The following DSC2 variants were observed in gnomAD, a reference collection of about 807,000 sequenced individuals.
DSC2 encodes the protein desmocollin-2.
In DSC2, 51 loss-of-function variants were observed where a neutral mutation model predicts 87.6. The observed-to-expected ratio is 0.58, with a 90% CI of 0.46 to 0.74. The LOEUF (loss-of-function observed/expected upper bound fraction) is 0.74. Among genes scored for constraint, DSC2 ranks in the 30% least tolerant of loss-of-function variants. The pLI is 0.00. For missense variants in DSC2, 1,066 were observed against 1,089.5 expected (o/e 0.98, Z 0.30); for synonymous variants, 383 against 393.2 (o/e 0.97, Z 0.31).
chr18:31,082,362 T>C lies in DSC2; in HGVS notation c.1139A>G (p.Asp380Gly). ...GTTAGCAGTATTCACTAAGTCCTTA[T>C]CCTCAACAGTAACTCGTAAGATTTC... ...DVEILRVTVEDKDLVNTANWR... is the reference protein window; with the variant it reads ...DVEILRVTVEGKDLVNTANWR... Residue 380 changes from aspartate (D) to glycine (G), a missense_variant, in exon 9 of 16, where the codon GAT becomes GGT. Physicochemically the swap from Asp to Gly is moderately conservative, Grantham distance 94. Coordinates refer to ENST00000280904, the MANE Select transcript of DSC2 (RefSeq NM_024422.6). 1 of 1,613,936 alleles carries C rather than the reference T, an allele frequency of 6.2e-7. No homozygotes were observed. Among genetic ancestry groups the C allele is most frequent in the Non-Finnish European group, 8.5e-7 (1 of 1,179,984 alleles).
rs1374917407 is a variant in DSC2, at chr18:31,079,986, A to G, written c.1524T>C (p.Tyr508=). Residue 508 remains tyrosine, a synonymous_variant, in exon 11 of 16, where the codon TAT becomes TAC. Transcript: ENST00000280904. ...PETRSSSGIR[Y]KKLTDPTGWV... ...ACCCTGTTGGATCAGTTAATTTCTT[A>G]TACCTGTTGGTAATGATGAATTAAA... is the stretch of plus-strand genomic sequence containing the variant. 6.2e-7 allele frequency: 1 copy of G among 1,613,516 alleles called. No individual in the cohort carries two copies. The highest frequency in any genetic ancestry group is 8.5e-7 in the Non-Finnish European group (1 of 1,179,704).
intron 7 of DSC2, among the ~76,000 whole-genome samples, chr18:31,086,349 T>C (rs1188588650): frequency 6.6e-6 from 1 of 152,230 alleles, no homozygotes; most frequent in African/African-American, 2.4e-5. Flanking sequence ...AATATGTTTA[T>C]ATCAGGAAAT....
intron 11 of DSC2, among the ~76,000 whole-genome samples, chr18:31,079,262 T>C (rs983671162): frequency 6.6e-6 from 1 of 152,112 alleles, no homozygotes; most frequent in Non-Finnish European, 1.5e-5. Context: ...TTTGTTTTTG[T>C]TTTTGTTTTG....
rs775614779 is a variant in DSC2, at chr18:31,086,682, C to T, written c.836G>A (p.Arg279His). 21 of 1,613,972 alleles carry T rather than the reference C, an allele frequency of 1.3e-5. No individual in the cohort carries two copies. The highest frequency in any genetic ancestry group is 8.3e-5 in the Admixed American group (5 of 59,998). The part of the protein sequence containing the change: ...DKDEPDTMHT[R>H]LKYSIIGQVP... ...CTGCCCAATGATGGAGTACTTCAGG[C>T]GTGTGTGCATCGTGTCAGGCTCATC... Residue 279 changes from arginine (R) to histidine (H), a missense_variant, in exon 7 of 16, where the codon CGC (arginine) becomes CAC (histidine). Arg to His is a conservative substitution (Grantham distance 29, BLOSUM62 0). Coordinates refer to ENST00000280904, the MANE Select transcript of DSC2 (RefSeq NM_024422.6).
At chr18:31,089,342 A>C (rs1405955056) in intron 5 of DSC2, 97 bp downstream of exon 5, 2 of 1,440,572 alleles carry the variant, frequency 1.4e-6, no homozygotes, top group African/African-American at 1.4e-5. Flanking sequence ...ATTGGTGACA[A>C]ACTCAGAAAG....
chr18:31,067,915 A>G lies in DSC2; in HGVS notation c.*100T>C, dbSNP rs1267625501. ...ATTCCATCCAAATAATGAGAGAAAA[A>G]CCCCCACAAATAGCATCTTCTGCTT... On this transcript the variant is annotated 3_prime_UTR_variant, in exon 16 of 16. Coordinates refer to ENST00000280904, the MANE Select transcript of DSC2 (RefSeq NM_024422.6). 2 of 1,073,308 alleles carry G rather than the reference A, an allele frequency of 1.9e-6. No homozygotes were observed. The highest frequency in any genetic ancestry group is 3.2e-5 in the African/African-American group (2 of 63,236). 66.5% of individuals were successfully genotyped at this position (1,073,308 alleles called of 1,614,324 possible). A position where few individuals can be genotyped will look rare whatever the true frequency, so the allele number is the denominator to read the frequency against.
chr18:31,067,592 A>G lies in DSC2; in HGVS notation c.*423T>C, dbSNP rs1986666660. On this transcript the variant is annotated 3_prime_UTR_variant, in exon 16 of 16. Transcript: ENST00000280904. ...CACTTTAGATGTTCAGGAAAACAACAGTTTCCAAGCACCACATGAACACTT... is the reference window on the plus strand; with the variant it reads ...CACTTTAGATGTTCAGGAAAACAACGGTTTCCAAGCACCACATGAACACTT... The G allele has an allele frequency of 5.1e-6, 1 of 194,226 alleles. No individual in the cohort carries two copies. The highest frequency in any genetic ancestry group is 5.4e-5 in the Admixed American group (1 of 18,360). The allele number at this position is 194,226 out of a possible 1,614,324, so 12.0% of individuals were successfully genotyped here.
intron 12 of DSC2, among the ~76,000 whole-genome samples, chr18:31,074,376 T>C (rs759727440): frequency 6.6e-6 from 1 of 151,582 alleles, no homozygotes; most frequent in Non-Finnish European, 1.5e-5. Flanking sequence ...AGGAAATGAC[T>C]GCATTAGACC....
intron 1 of DSC2, among the ~76,000 whole-genome samples, chr18:31,098,626 T>C (rs908594343): frequency 6.6e-6 from 1 of 152,044 alleles, no homozygotes; most frequent in Non-Finnish European, 1.5e-5. Flanking sequence ...GGCTAATTTT[T>C]GTATTTTTTG....
At chr18:31,082,134 C>A in intron 9 of DSC2, 104 bp downstream of exon 9, 1 of 1,042,934 alleles carries the variant, frequency 9.6e-7, no homozygotes, top group South Asian at 1.5e-5. Context: ...TACTTATATA[C>A]CTATTTTATT....
rs1345080995 is a variant in DSC2, at chr18:31,059,272, C to T, written c.*8743G>A. 5 of 152,286 alleles carry T rather than the reference C, an allele frequency of 3.3e-5. No individual in the cohort carries two copies. Among genetic ancestry groups the T allele is most frequent in the Non-Finnish European group, 7.4e-5 (5 of 68,004 alleles). The allele number at this position is 152,286 out of a possible 1,614,324, so 9.4% of individuals were successfully genotyped here. On this transcript the variant is annotated 3_prime_UTR_variant, in exon 16 of 16. Coordinates refer to ENST00000280904, the MANE Select transcript of DSC2 (RefSeq NM_024422.6). ...ACTTGCATTCATTATGCAAACTTTG[C>T]TTGAAATATTTCATTTGACAATTCT...
chr18:31,060,370 C>T lies in DSC2; in HGVS notation c.*7645G>A, dbSNP rs1018993442. 1 of 152,172 alleles carries T rather than the reference C, an allele frequency of 6.6e-6. No homozygotes were observed. Among genetic ancestry groups the T allele is most frequent in the Non-Finnish European group, 1.5e-5 (1 of 68,074 alleles). 9.4% of individuals were successfully genotyped at this position (152,172 alleles called of 1,614,324 possible). On this transcript the variant is annotated 3_prime_UTR_variant, in exon 16 of 16. Coordinates refer to ENST00000280904, the MANE Select transcript of DSC2 (RefSeq NM_024422.6). The stretch of plus-strand genomic sequence containing the variant: ...TCATTCCCTATTGGTTAACTCATGT[C>T]CTTGGTGCCTGGGAGTTTTCCAATT...
chr18:31,091,991 G>A (rs554631410), intron 3 of DSC2, 110 bp downstream of exon 3: 89 of 1,164,964 alleles, frequency 7.6e-5, no homozygotes, highest in Non-Finnish European at 9.5e-5. Context: ...GTTTTCATTC[G>A]TCTTTAAGCC....
Position 31,062,657 on chromosome 18 carries a change from C to T in DSC2, c.*5358G>A, listed in dbSNP as rs1986523833. 2 of 152,134 alleles carry T rather than the reference C, an allele frequency of 1.3e-5. No homozygotes were observed. Among genetic ancestry groups the T allele is most frequent in the South Asian group, 4.1e-4 (2 of 4,830 alleles). 9.4% of individuals were successfully genotyped at this position (152,134 alleles called of 1,614,324 possible). A position where few individuals can be genotyped will look rare whatever the true frequency, so the allele number is the denominator to read the frequency against. Reference sequence around the variant, plus strand: ...CAGTGGTCAAGAAGACAGAGGAGAACCCTTGGGGGTTACATTTCAATATGG... The same window carrying T: ...CAGTGGTCAAGAAGACAGAGGAGAATCCTTGGGGGTTACATTTCAATATGG... On this transcript the variant is annotated 3_prime_UTR_variant, in exon 16 of 16. Coordinates refer to ENST00000280904, the MANE Select transcript of DSC2 (RefSeq NM_024422.6).
At chr18:31,090,038 T>A (rs1450308674) in intron 4 of DSC2, among the ~76,000 whole-genome samples, 1 of 152,128 alleles carries the variant, frequency 6.6e-6, no homozygotes, top group South Asian at 2.1e-4. Context: ...CCTTAATGAG[T>A]TTTTTGTTCT....
intron 5 of DSC2, among the ~76,000 whole-genome samples, chr18:31,088,447 G>A (rs188238677): frequency 7.8e-4 from 118 of 152,080 alleles, no homozygotes; most frequent in Non-Finnish European, 1.3e-3. Context: ...ATCATAGAAA[G>A]GCCAGAACAT....
intron 1 of DSC2, 80 bp downstream of exon 1, chr18:31,101,823 C>CA: frequency 6.3e-6 from 9 of 1,434,646 alleles, no homozygotes; most frequent in African/African-American, 1.5e-5. Context: ...CCACCCCCAC[C>CA]TATCCCCGTT....
In DSC2 at chr18:31,089,421, A is replaced by G; in HGVS notation, c.630+18T>C. On this transcript the variant is annotated intron_variant, in intron 5 of 15. Transcript: ENST00000280904. Reference sequence around the variant, plus strand: ...AGCATCATCATTGCTAATACAGTACACACATTTTAGACTTTACCTCAAAAG... The same window carrying G: ...AGCATCATCATTGCTAATACAGTACGCACATTTTAGACTTTACCTCAAAAG... 6.2e-7 allele frequency: 1 copy of G among 1,613,498 alleles called. No homozygotes were observed. Among genetic ancestry groups the G allele is most frequent in the Non-Finnish European group, 8.5e-7 (1 of 1,179,700 alleles).
At chr18:31,091,178 A>G (rs1460228766) in intron 3 of DSC2, 31 bp from the exon 4 acceptor site, 2 of 1,611,554 alleles carry the variant, frequency 1.2e-6, no homozygotes, top group East Asian at 4.5e-5. Context: ...AAAATAATAA[A>G]GTCAATGACT....
Sources: gnomAD v4.1 joint callset for allele counts (sites outside exome capture counted in the v4.1 genomes callset) on GRCh38, gnomAD v4.1.1 for gene constraint, MANE v1.5 for transcripts, NCBI Gene and HGNC (gene_info 2026-07-23, HGNC 2026-07-21) for gene names.